GALNT13: variants seen among roughly 807,000 people sequenced by gnomAD.
The protein encoded by GALNT13 is polypeptide N-acetylgalactosaminyltransferase 13, also known as UDP-GalNAc:polypeptide N-acetylgalactosaminyltransferase 13.
In GALNT13, 28 loss-of-function variants were observed where a neutral mutation model predicts 64.2. That is an observed-to-expected ratio of 0.44 (90% CI 0.32 to 0.60). GALNT13 has a LOEUF of 0.60. Ranked by LOEUF, GALNT13 falls within the 20% of genes least tolerant of loss-of-function variation. GALNT13 has a pLI of 0.05. For synonymous variants in GALNT13, 214 were observed against 224.6 expected (o/e 0.95, Z 0.42); for missense variants, 577 against 669.8 (o/e 0.86, Z 1.53).
intron 7 of GALNT13, among the ~76,000 whole-genome samples, chr2:154,247,974 A>G (rs1689869495): frequency 6.6e-6 from 1 of 152,142 alleles, no homozygotes; most frequent in Admixed American, 6.6e-5. Context: ...TATTGCTTGA[A>G]GATGTGATCA....
chr2:153,392,008 CATTA>C, the GALNT13 span, among the ~76,000 whole-genome samples: 28 of 148,158 alleles, frequency 1.9e-4, no homozygotes, highest in Non-Finnish European at 2.5e-4. Flanking sequence ...AAATTCATCA[CATTA>C]ATTATATGTT....
At chr2:154,172,711 G>C (rs1685429858) in intron 4 of GALNT13, among the ~76,000 whole-genome samples, 1 of 151,506 alleles carries the variant, frequency 6.6e-6, no homozygotes, top group African/African-American at 2.4e-5. Context: ...CTTATCTGTT[G>C]ATGGGCACTT....
chr2:154,057,560 T>C (rs766583082), intron 3 of GALNT13, among the ~76,000 whole-genome samples: 32 of 152,098 alleles, frequency 2.1e-4, no homozygotes, highest in Non-Finnish European at 4.6e-4. Context: ...TAGAGACACA[T>C]TAACAGATAA....
chr2:153,337,090 C>T, the GALNT13 span, among the ~76,000 whole-genome samples: 1 of 152,096 alleles, frequency 6.6e-6, no homozygotes, highest in South Asian at 2.1e-4. Context: ...TTTTTCTTTC[C>T]AGTCTTGGGT....
intron 1 of GALNT13, among the ~76,000 whole-genome samples, chr2:153,878,962 G>A (rs1291440240): frequency 1.3e-5 from 2 of 152,120 alleles, no homozygotes; most frequent in Non-Finnish European, 2.9e-5. Flanking sequence ...ATTACCTTGA[G>A]TTTATTTATT....
At chr2:153,735,707 A>C in the GALNT13 span, among the ~76,000 whole-genome samples, 1 of 152,210 alleles carries the variant, frequency 6.6e-6, no homozygotes, top group South Asian at 2.1e-4. Flanking sequence ...TTGACATTTA[A>C]GATCCCATTG....
the GALNT13 span, among the ~76,000 whole-genome samples, chr2:153,086,752 T>A: frequency 6.7e-6 from 1 of 148,330 alleles, no homozygotes; most frequent in African/African-American, 2.6e-5. Context: ...ATTTTGCAGC[T>A]GTTGTTGGGT....
chr2:153,827,952 G>T, the GALNT13 span, among the ~76,000 whole-genome samples: 1 of 152,202 alleles, frequency 6.6e-6, no homozygotes, highest in Non-Finnish European at 1.5e-5. Flanking sequence ...GGGGGCTACA[G>T]GCCCCACGCA....
chr2:153,900,031 G>A (rs914332551), intron 1 of GALNT13, among the ~76,000 whole-genome samples: 2 of 149,462 alleles, frequency 1.3e-5, no homozygotes, highest in East Asian at 3.9e-4. Flanking sequence ...CGCCTCCTGG[G>A]TTCAAGTGAT....
intron 2 of GALNT13, among the ~76,000 whole-genome samples, chr2:153,943,850 T>C (rs547391988): frequency 9.8e-5 from 15 of 152,324 alleles, no homozygotes; most frequent in African/African-American, 3.4e-4. Flanking sequence ...AATATGATTC[T>C]ACATAATCCT....
chr2:153,426,860 T>C, the GALNT13 span, among the ~76,000 whole-genome samples: 34,121 of 151,852 alleles, frequency 0.22, 4,079 homozygotes, highest in Non-Finnish European at 0.25. Context: ...TGTGAAGATA[T>C]TGTGAAAGTA....
At chr2:154,338,907 C>A (rs1045820493) in intron 9 of GALNT13, among the ~76,000 whole-genome samples, 3 of 151,986 alleles carry the variant, frequency 2.0e-5, no homozygotes, top group Non-Finnish European at 4.4e-5. Context: ...GGGCCTTATA[C>A]CTCAAATTAT....
the GALNT13 span, among the ~76,000 whole-genome samples, chr2:153,570,472 T>C: frequency 6.6e-6 from 1 of 152,176 alleles, no homozygotes; most frequent in South Asian, 2.1e-4. Flanking sequence ...GTGATCCCAT[T>C]TGTTCATTTG....
At chr2:153,401,920 C>A in the GALNT13 span, among the ~76,000 whole-genome samples, 2 of 150,844 alleles carry the variant, frequency 1.3e-5, no homozygotes, top group South Asian at 4.2e-4. Context: ...GCATTTAGTC[C>A]ATTTACATTT....
intron 8 of GALNT13, among the ~76,000 whole-genome samples, chr2:154,292,930 C>T (rs1219403401): frequency 1.3e-5 from 2 of 152,076 alleles, no homozygotes; most frequent in African/African-American, 2.4e-5. Flanking sequence ...AAAGTATGTT[C>T]GTTAATTGTC....
chr2:153,168,127 A>G, the GALNT13 span, among the ~76,000 whole-genome samples: 1 of 152,336 alleles, frequency 6.6e-6, no homozygotes, highest in African/African-American at 2.4e-5. Flanking sequence ...ATTGAAGGAT[A>G]GTAGAGGAAG....
intron 2 of GALNT13, among the ~76,000 whole-genome samples, chr2:153,932,810 T>A (rs1690630264): frequency 1.3e-5 from 2 of 151,960 alleles, no homozygotes; most frequent in South Asian, 4.1e-4. Context: ...GTATTTTTAG[T>A]AGAGATGGGG....
At chr2:154,051,282 T>C (rs1288591081) in intron 3 of GALNT13, among the ~76,000 whole-genome samples, 1 of 113,356 alleles carries the variant, frequency 8.8e-6, no homozygotes, top group Non-Finnish European at 1.9e-5. Flanking sequence ...ACTCCTTCTT[T>C]TTTTTTTTTT....
the GALNT13 span, among the ~76,000 whole-genome samples, chr2:153,347,871 C>G: frequency 6.6e-6 from 1 of 152,090 alleles, no homozygotes; most frequent in African/African-American, 2.4e-5. Flanking sequence ...ATATTATTAT[C>G]TATGTGAAAG....
Sources: allele counts gnomAD v4.1 joint callset (sites outside exome capture counted in the v4.1 genomes callset), GRCh38; gene constraint gnomAD v4.1.1; transcripts MANE v1.5; gene names NCBI Gene and HGNC (gene_info 2026-07-23, HGNC 2026-07-21).